KIAA1328: variants seen among roughly 807,000 people sequenced by gnomAD.
KIAA1328 encodes protein hinderin.
Under a neutral mutation model 68.1 loss-of-function variants are expected in KIAA1328, and 52 were observed. The ratio of observed to expected loss-of-function variants is 0.76; its 90% CI spans 0.61 to 0.96. The LOEUF (loss-of-function observed/expected upper bound fraction) is 0.96. Ranked by LOEUF, KIAA1328 falls within the 40% of genes least tolerant of loss-of-function variation. KIAA1328 has a pLI of 0.00. For missense variants in KIAA1328, 641 were observed against 677.6 expected (o/e 0.95, Z 0.60); for synonymous variants, 232 against 239.4 (o/e 0.97, Z 0.28).
At position 36,844,234 on chromosome 18, in the gene KIAA1328, T is replaced by C. The variant is rs780613173; in HGVS notation, c.264T>C (p.Ser88=). ...EQNSCRGEIK[S]ASLKDLCLED... Reference sequence around the variant, plus strand: ...ATTCCTGCAGGGGAGAAATAAAGAGTGCATCATTGAAGGATTTATGTCTTG... The same window carrying C: ...ATTCCTGCAGGGGAGAAATAAAGAGCGCATCATTGAAGGATTTATGTCTTG... Residue 88 remains serine, a synonymous_variant, in exon 4 of 10, where the codon AGT becomes AGC. Transcript: ENST00000280020. 6 of 1,603,326 alleles carry C rather than the reference T, an allele frequency of 3.7e-6. No homozygotes were observed. The East Asian group carries it at 9.0e-5, about 24-fold the overall frequency.
At chr18:36,919,749 T>C (rs1160038701) in intron 5 of KIAA1328, among the ~76,000 whole-genome samples, 2 of 152,190 alleles carry the variant, frequency 1.3e-5, no homozygotes. Flanking sequence ...TTTTTTATTT[T>C]TATTGATAGC....
chr18:37,198,558 A>C (rs756078213), intron 9 of KIAA1328, among the ~76,000 whole-genome samples: 2 of 152,194 alleles, frequency 1.3e-5, no homozygotes, highest in Non-Finnish European at 2.9e-5. Context: ...AAAGGAGAGT[A>C]CTTCTTAAGT....
At chr18:36,838,875 C>T (rs1182534187) in intron 3 of KIAA1328, among the ~76,000 whole-genome samples, 6 of 152,088 alleles carry the variant, frequency 3.9e-5, no homozygotes, top group South Asian at 2.1e-4. Flanking sequence ...GCTGGGATTA[C>T]GGGCGTGCAC....
chr18:36,836,322 G>T (rs1020547574), intron 3 of KIAA1328, among the ~76,000 whole-genome samples: 1 of 152,098 alleles, frequency 6.6e-6, no homozygotes, highest in African/African-American at 2.4e-5. Context: ...TGGTTGATTT[G>T]TTTTACATTG....
chr18:36,829,376 G>C, intron 1 of KIAA1328, 180 bp downstream of exon 1: 2 of 1,377,026 alleles, frequency 1.5e-6, no homozygotes, highest in Non-Finnish European at 1.9e-6. Flanking sequence ...TTAGGTGGCC[G>C]AGAGACTGGT....
intron 7 of KIAA1328, among the ~76,000 whole-genome samples, chr18:37,145,543 A>T (rs1400839533): frequency 6.6e-6 from 1 of 152,200 alleles, no homozygotes; most frequent in Admixed American, 6.5e-5. Flanking sequence ...CAACTGATAA[A>T]AAAGAAATGT....
chr18:37,133,876 C>T (rs1334979863), intron 7 of KIAA1328, among the ~76,000 whole-genome samples: 2 of 152,026 alleles, frequency 1.3e-5, no homozygotes, highest in African/African-American at 4.8e-5. Flanking sequence ...GTTTTTCTTG[C>T]CATTGATCTC....
At chr18:36,980,972 T>C (rs1234342678) in intron 6 of KIAA1328, among the ~76,000 whole-genome samples, 1 of 152,210 alleles carries the variant, frequency 6.6e-6, no homozygotes, top group Non-Finnish European at 1.5e-5. Context: ...AATTGCCCAG[T>C]CTTCGGTATG....
At chr18:36,989,535 A>T (rs2053082985) in intron 6 of KIAA1328, among the ~76,000 whole-genome samples, 1 of 151,980 alleles carries the variant, frequency 6.6e-6, no homozygotes, top group Non-Finnish European at 1.5e-5. Context: ...TTCCCATCCA[A>T]CATAGCTTTT....
intron 6 of KIAA1328, among the ~76,000 whole-genome samples, chr18:37,034,950 T>C (rs322650): frequency 0.6 from 90,576 of 152,090 alleles, 28,840 homozygotes; most frequent in East Asian, 0.87. Flanking sequence ...AAAGACTCCA[T>C]TTGATTTTCT....
chr18:37,223,446 G>C lies in KIAA1328; in HGVS notation c.*1219G>C. 1 of 985,390 alleles carries C rather than the reference G, an allele frequency of 1.0e-6. No individual in the cohort carries two copies. Among genetic ancestry groups the C allele is most frequent in the Non-Finnish European group, 1.2e-6 (1 of 829,930 alleles). The allele number at this position is 985,390 out of a possible 1,614,324, so 61.0% of individuals were successfully genotyped here. A position where few individuals can be genotyped will look rare whatever the true frequency, so the allele number is the denominator to read the frequency against. ...GTCCCTAGTAGCCTCTCAAGCTAAT[G>C]GGGATGATGATCCTGGTTTAGCCAG... On this transcript the variant is annotated 3_prime_UTR_variant, in exon 10 of 10. Coordinates refer to ENST00000280020, the MANE Select transcript of KIAA1328 (RefSeq NM_020776.3).
chr18:36,931,528 C>T (rs1263297928), intron 5 of KIAA1328, among the ~76,000 whole-genome samples: 5 of 152,030 alleles, frequency 3.3e-5, no homozygotes, highest in South Asian at 2.1e-4. Flanking sequence ...TCCATGAAAC[C>T]GGTCCTTGAT....
At chr18:37,077,916 T>C (rs761876869) in intron 7 of KIAA1328, among the ~76,000 whole-genome samples, 6 of 152,052 alleles carry the variant, frequency 3.9e-5, no homozygotes, top group Non-Finnish European at 7.3e-5. Flanking sequence ...AGGTAATTTA[T>C]AGATTCAATG....
At chr18:37,216,994 G>GTTT (rs1203023071) in intron 9 of KIAA1328, among the ~76,000 whole-genome samples, 98 of 29,382 alleles carry the variant, frequency 3.3e-3, no homozygotes, top group African/African-American at 0.02. Flanking sequence ...TTTTTTGTTT[G>GTTT]TTTTTTTTTT....
intron 6 of KIAA1328, among the ~76,000 whole-genome samples, chr18:36,984,350 T>C (rs2151383849): frequency 1.3e-5 from 2 of 152,188 alleles, no homozygotes; most frequent in South Asian, 2.1e-4. Flanking sequence ...ACCATCTACA[T>C]AGAGATGCAA....
chr18:37,076,685 C>G (rs995363391), intron 7 of KIAA1328, among the ~76,000 whole-genome samples: 3 of 151,480 alleles, frequency 2.0e-5, no homozygotes, highest in Non-Finnish European at 3.0e-5. Flanking sequence ...ACAAACTACC[C>G]TCAGAGACTA....
chr18:36,955,217 C>T (rs1196959716), intron 5 of KIAA1328, among the ~76,000 whole-genome samples: 5 of 151,560 alleles, frequency 3.3e-5, no homozygotes, highest in Admixed American at 6.6e-5. Flanking sequence ...GTGCAACCTC[C>T]GCTTCCCGGG....
chr18:36,885,202 T>C (rs552538028), intron 4 of KIAA1328, among the ~76,000 whole-genome samples: 52 of 152,306 alleles, frequency 3.4e-4, no homozygotes, highest in African/African-American at 1.2e-3. Flanking sequence ...ATCAATTGAT[T>C]GTACCTGTTT....
At chr18:37,037,226 C>T (rs1425500217) in intron 6 of KIAA1328, among the ~76,000 whole-genome samples, 6 of 152,066 alleles carry the variant, frequency 3.9e-5, no homozygotes, top group African/African-American at 1.4e-4. Flanking sequence ...CTAAAAGGCC[C>T]ATCTGAAATG....
Sources: allele counts gnomAD v4.1 joint callset (sites outside exome capture counted in the v4.1 genomes callset), GRCh38; gene constraint gnomAD v4.1.1; transcripts MANE v1.5; gene names NCBI Gene and HGNC (gene_info 2026-07-23, HGNC 2026-07-21).